The following TRIM49C variants were observed in gnomAD, a reference collection of about 807,000 sequenced individuals.
TRIM49C encodes the protein tripartite motif-containing protein 49C.
A neutral mutation model predicts 21.4 loss-of-function variants in TRIM49C; 6 were observed. That is an observed-to-expected ratio of 0.28 (90% CI 0.15 to 0.55). The LOEUF is 0.55. Ranked by LOEUF, TRIM49C falls within the 20% of genes least tolerant of loss-of-function variation. The probability of loss-of-function intolerance (pLI) is 0.94; values close to 1 mark genes in which losing one functional copy is unlikely to be tolerated. For synonymous variants in TRIM49C, 57 were observed against 148.1 expected (o/e 0.38, Z 4.47); for missense variants, 161 against 442.4 (o/e 0.36, Z 5.71).
the TRIM49C span, among the ~76,000 whole-genome samples, chr11:90,066,939 G>C: frequency 1.5e-5 from 2 of 137,092 alleles, no homozygotes; most frequent in Admixed American, 8.6e-5. Flanking sequence ...GGCTAATTTT[G>C]GTATTTTTAG....
intron 4 of TRIM49C, among the ~76,000 whole-genome samples, chr11:90,036,779 C>G (rs1472229738): frequency 7.3e-6 from 1 of 137,806 alleles, no homozygotes; most frequent in Non-Finnish European, 1.6e-5. Flanking sequence ...ATCATACAAT[C>G]CAAATAAGAG....
Position 90,041,267 on chromosome 11 carries a change from A to G in TRIM49C, c.1076A>G (p.Asn359Ser), listed in dbSNP as rs757440151. ...TGGAATTGGGCTTTTGGTGTCTGTA[A>G]TATGTATCGGAAGGAGAAGAATCAG... ...DSWNWAFGVC[N>S]MYRKEKNQNE... The change falls in exon 8 of 8, where the codon AAT (asparagine) becomes AGT (serine). Residue 359 changes from asparagine (N) to serine (S), a missense_variant. Asn to Ser is a conservative substitution (Grantham distance 46). Around this residue, in one of 3 missense-constraint regions of TRIM49C, gnomAD observed 63 missense variants for 67.6 expected, o/e 0.93. Coordinates refer to ENST00000448984, the MANE Select transcript of TRIM49C (RefSeq NM_001195234.1). 209 of 1,576,468 alleles carry G rather than the reference A, an allele frequency of 1.3e-4. 28 individuals carry two copies. Among genetic ancestry groups the G allele is most frequent in the Non-Finnish European group, 1.7e-4 (192 of 1,155,952 alleles).
At chr11:90,069,488 G>A in the TRIM49C span, among the ~76,000 whole-genome samples, 858 of 132,072 alleles carry the variant, frequency 6.5e-3, 176 homozygotes, top group African/African-American at 0.023. Flanking sequence ...CCTAAAGGAG[G>A]CTAGAAACGA....
At chr11:90,039,231 T>C (rs529914338) in intron 6 of TRIM49C, among the ~76,000 whole-genome samples, 3 of 130,550 alleles carry the variant, frequency 2.3e-5, no homozygotes, top group Non-Finnish European at 4.8e-5. Flanking sequence ...TGATTTTGTT[T>C]TATTGCTTGA....
chr11:90,048,413 C>T, the TRIM49C span, among the ~76,000 whole-genome samples: 2 of 123,134 alleles, frequency 1.6e-5, 1 homozygote, highest in African/African-American at 6.6e-5. Flanking sequence ...CAATCAGACA[C>T]AGATTTGGTC....
At chr11:90,059,803 A>G in the TRIM49C span, among the ~76,000 whole-genome samples, 1 of 144,148 alleles carries the variant, frequency 6.9e-6, no homozygotes, top group Non-Finnish European at 1.5e-5. Context: ...GGTCTTTCCT[A>G]GAACTGGGTG....
chr11:90,034,962 G>C (rs1950714553), intron 2 of TRIM49C, among the ~76,000 whole-genome samples: 1 of 136,604 alleles, frequency 7.3e-6, no homozygotes, highest in Non-Finnish European at 1.6e-5. Flanking sequence ...GAATAGGTTT[G>C]TATTATGCTA....
chr11:90,037,152 T>G (rs576015167), intron 4 of TRIM49C, among the ~76,000 whole-genome samples: 1 of 135,948 alleles, frequency 7.4e-6, no homozygotes, highest in South Asian at 2.5e-4. Flanking sequence ...GAATAGCATA[T>G]GCAGTAATTT....
In TRIM49C at chr11:90,038,895, T is replaced by A. The variant is rs1202334297; in HGVS notation, c.761+180T>A. On this transcript the variant is annotated intron_variant, in intron 6 of 7. Coordinates refer to ENST00000448984, the MANE Select transcript of TRIM49C (RefSeq NM_001195234.1). ...AGTAAATAAATGAATAAAAGAAGAG[T>A]GAACTAAAACAAACAATTTGATTCC... Among the ~76,000 whole-genome samples the A allele has an allele frequency of 3.7e-5, 5 of 135,036 alleles. 1 individual carries two copies. Among genetic ancestry groups the A allele is most frequent in the Non-Finnish European group, 4.8e-5 (3 of 62,080 alleles). 88.6% of individuals were successfully genotyped at this position (135,036 alleles called of 152,430 possible). A position where few individuals can be genotyped will look rare whatever the true frequency, so the allele number is the denominator to read the frequency against.
At chr11:90,044,620 GT>G (rs1458475924), downstream of TRIM49C, among the ~76,000 whole-genome samples, 1 of 87,332 alleles carries the variant, frequency 1.1e-5, no homozygotes, top group Non-Finnish European at 2.1e-5. Context: ...TTTTGATGGG[GT>G]TGTTTGTTTT....
At chr11:90,059,708 C>A in the TRIM49C span, among the ~76,000 whole-genome samples, 1 of 99,874 alleles carries the variant, frequency 1.0e-5, no homozygotes, top group African/African-American at 4.3e-5. Flanking sequence ...AGGCAAAAGT[C>A]TTTAATCTTT....
the TRIM49C span, among the ~76,000 whole-genome samples, chr11:90,069,242 C>T: frequency 8.0e-6 from 1 of 124,674 alleles, no homozygotes; most frequent in African/African-American, 3.4e-5. Flanking sequence ...GTAGCTGGGA[C>T]TACAGGCGCT....
downstream of TRIM49C, among the ~76,000 whole-genome samples, chr11:90,046,661 C>T (rs1435987162): frequency 8.1e-6 from 1 of 123,122 alleles, no homozygotes; most frequent in South Asian, 3.0e-4. Context: ...TCTCTCTTTT[C>T]TTCTTTATTA....
At chr11:90,039,487 T>C in intron 6 of TRIM49C, among the ~76,000 whole-genome samples, 1 of 131,894 alleles carries the variant, frequency 7.6e-6, no homozygotes. Context: ...GTTTCCATTC[T>C]TTATCTTGAG....
chr11:90,062,287 A>G, the TRIM49C span, among the ~76,000 whole-genome samples: 1 of 120,914 alleles, frequency 8.3e-6, no homozygotes, highest in African/African-American at 3.9e-5. Flanking sequence ...TTTTCTGAGA[A>G]ACTGGCTTTT....
intron 4 of TRIM49C, among the ~76,000 whole-genome samples, chr11:90,037,283 A>T (rs1460166824): frequency 7.5e-6 from 1 of 133,022 alleles, no homozygotes; most frequent in Non-Finnish European, 1.6e-5. Flanking sequence ...CCAAATCATA[A>T]ATGCAGCCTT....
In TRIM49C at chr11:90,039,044, C is replaced by T. The variant is rs1340026193; in HGVS notation, c.761+329C>T. Among the ~76,000 whole-genome samples, 612 of 135,990 alleles carry T rather than the reference C, an allele frequency of 4.5e-3. 15 individuals carry two copies. The highest frequency in any genetic ancestry group is 0.016 in the African/African-American group (587 of 37,396). The allele number at this position is 135,990 out of a possible 152,430, so 89.2% of individuals were successfully genotyped here. ...ACACCATTCCCCTGCCTCAGCCTCC[C>T]GAGTACCCGGGACTACAGGCGCCCG... On this transcript the variant is annotated intron_variant, in intron 6 of 7. Coordinates refer to ENST00000448984, the MANE Select transcript of TRIM49C (RefSeq NM_001195234.1).
chr11:90,048,679 CA>C, the TRIM49C span, among the ~76,000 whole-genome samples: 1 of 132,340 alleles, frequency 7.6e-6, no homozygotes, highest in African/African-American at 3.0e-5. Context: ...AATCTTTTTT[CA>C]AGGTTTTTAG....
rs187839630 is a variant in TRIM49C, at chr11:90,032,221, C to G, written c.-190-176C>G. Among the ~76,000 whole-genome samples the G allele has an allele frequency of 7.2e-4, 96 of 133,290 alleles. 17 individuals are homozygous for G. In the East Asian group the frequency reaches 0.019, roughly 26 times the overall value. 87.4% of individuals were successfully genotyped at this position (133,290 alleles called of 152,430 possible). On this transcript the variant is annotated intron_variant, in intron 1 of 7. Transcript: ENST00000448984. ...AATTTCTAGCCTATGTATGCTCTGA[C>G]AGGATTTATGTTACATGTGATTCAT... is the stretch of plus-strand genomic sequence containing the variant.
Sources: gnomAD v4.1 joint callset for allele counts (sites outside exome capture counted in the v4.1 genomes callset) on GRCh38, gnomAD v4.1.1 for gene constraint, gnomAD v4.1.1 regional missense constraint, MANE v1.5 for transcripts, NCBI Gene and HGNC (gene_info 2026-07-23, HGNC 2026-07-21) for gene names.